The following LIN54 variants were observed in gnomAD, a reference collection of about 807,000 sequenced individuals.
The protein encoded by LIN54 is lin-54 DREAM MuvB core complex component.
In LIN54, 9 loss-of-function variants were observed where a neutral mutation model predicts 78.7. The observed-to-expected ratio is 0.11, with a 90% CI of 0.07 to 0.20. The LOEUF is 0.20. LIN54 is among the 10% of genes least tolerant of loss of function. The probability of loss-of-function intolerance (pLI) is 1.00; values close to 1 mark genes in which losing one functional copy is unlikely to be tolerated. For missense variants in LIN54, 573 were observed against 889.9 expected, an observed-to-expected ratio of 0.64 and a Z score of 4.53; for synonymous variants, 269 against 318.4, an observed-to-expected ratio of 0.84 and a Z score of 1.65.
At chr4:82,994,453 A>G (rs1209055907) in intron 1 of LIN54, among the ~76,000 whole-genome samples, 2 of 151,332 alleles carry the variant, frequency 1.3e-5, no homozygotes, top group Non-Finnish European at 2.9e-5. Flanking sequence ...GCTGGAGTGC[A>G]GTGGCGCAAT....
In LIN54 at chr4:82,982,213, A is replaced by G. The variant is rs574471955; in HGVS notation, c.684+1948T>C. On this transcript the variant is annotated intron_variant, in intron 2 of 12. Transcript: ENST00000340417. The stretch of plus-strand genomic sequence containing the variant: ...GAAAAAAATGACATTCTAATTTATG[A>G]TATCTTTTCCTTTTTTAGTTTATTT... Among the ~76,000 whole-genome samples, 9 of 152,138 alleles carry G rather than the reference A, an allele frequency of 5.9e-5. No individual in the cohort carries two copies. The East Asian group carries it at 1.7e-3, about 29-fold the overall frequency.
intron 4 of LIN54, 70 bp downstream of exon 4, chr4:82,970,257 G>A (rs1725531095): frequency 7.1e-7 from 1 of 1,416,448 alleles, no homozygotes; most frequent in African/African-American, 1.4e-5. Flanking sequence ...TGAAGTATCT[G>A]AAGTGACTAG....
At chr4:82,991,154 GA>G (rs56936823) in intron 1 of LIN54, among the ~76,000 whole-genome samples, 67,758 of 86,700 alleles carry the variant, frequency 0.78, 25,979 homozygotes, top group Middle Eastern at 0.91. Context: ...TGTCTCTTAA[GA>G]AAAAAAAAAA....
At chr4:82,968,995 A>C (rs1191964134) in intron 4 of LIN54, among the ~76,000 whole-genome samples, 1 of 152,188 alleles carries the variant, frequency 6.6e-6, no homozygotes, top group African/African-American at 2.4e-5. Context: ...AGGTGATCCC[A>C]ATAAGCAGAT....
intron 4 of LIN54, among the ~76,000 whole-genome samples, chr4:82,964,185 G>A (rs539427905): frequency 2.6e-5 from 4 of 152,078 alleles, no homozygotes; most frequent in Admixed American, 6.5e-5. Flanking sequence ...CAAGTAGCTG[G>A]GACTACAGGC....
chr4:82,996,290 A>G (rs1207457635), intron 1 of LIN54, among the ~76,000 whole-genome samples: 2 of 152,126 alleles, frequency 1.3e-5, no homozygotes, highest in Non-Finnish European at 2.9e-5. Flanking sequence ...GAGGCTCTTC[A>G]TAGGCTAAAA....
chr4:83,009,811 C>T (rs1729706947), intron 1 of LIN54, among the ~76,000 whole-genome samples: 1 of 152,168 alleles, frequency 6.6e-6, no homozygotes, highest in South Asian at 2.1e-4. Context: ...GCTCCTAGAG[C>T]TGTATTTCAT....
rs1449805773 is a variant in LIN54, at chr4:83,010,609, T to G, written c.-158A>C. 2.4e-6 allele frequency: 3 copies of G among 1,227,542 alleles called. No homozygotes were observed. The African/African-American group carries it at 4.7e-5, about 19-fold the overall frequency. 76.0% of individuals were successfully genotyped at this position (1,227,542 alleles called of 1,614,324 possible). A position where few individuals can be genotyped will look rare whatever the true frequency, so the allele number is the denominator to read the frequency against. On this transcript the variant is annotated 5_prime_UTR_variant, in exon 1 of 13. Transcript: ENST00000340417. ...ACGATAGCTCTGGCCAGCAGCTTCC[T>G]TTCCCAGTTTGTCCAAACTGGAGCG...
At chr4:83,003,870 G>C (rs1030102561) in intron 1 of LIN54, among the ~76,000 whole-genome samples, 1 of 152,094 alleles carries the variant, frequency 6.6e-6, no homozygotes, top group Non-Finnish European at 1.5e-5. Flanking sequence ...CATTTCAATA[G>C]TATTTTTATA....
chr4:82,931,170 T>C, intron 11 of LIN54, 25 bp from the exon 12 acceptor site: 1 of 1,603,770 alleles, frequency 6.2e-7, no homozygotes, highest in Non-Finnish European at 8.5e-7. Flanking sequence ...TAAGAAAAGT[T>C]TCCAAATCAA....
chr4:83,004,260 G>A (rs1172509122), intron 1 of LIN54, among the ~76,000 whole-genome samples: 1 of 151,906 alleles, frequency 6.6e-6, no homozygotes, highest in African/African-American at 2.4e-5. Flanking sequence ...TTAGCTGGGA[G>A]TGGTGGTGGG....
chr4:82,936,479 A>AT (rs1352450655), intron 9 of LIN54, 98 bp from the exon 10 acceptor site: 6 of 600,626 alleles, frequency 1.0e-5, no homozygotes, highest in African/African-American at 3.7e-5. Context: ...CACATACTAC[A>AT]TATGTGGTAA....
rs368624674 is a variant in LIN54, at chr4:82,970,425, T to C, written c.853A>G (p.Ile285Val). 3.1e-6 allele frequency: 5 copies of C among 1,613,332 alleles called. No individual in the cohort carries two copies. The South Asian group carries it at 3.3e-5, about 11-fold the overall frequency. The change falls in exon 4 of 13, where the codon ATA becomes GTA. Residue 285 changes from isoleucine (I) to valine (V), a missense_variant. Ile to Val is a conservative substitution (Grantham distance 29, BLOSUM62 3). This residue lies in a region of LIN54 where 199 missense variants were observed against 260.9 expected (regional missense o/e 0.76). Coordinates refer to ENST00000340417, the MANE Select transcript of LIN54 (RefSeq NM_194282.4). ...QSTPGTPSKT[I>V]TISESGVIGS... ...ATAACACCACTTTCAGATATTGTTA[T>C]GGTCTTTGATGGAGTTCCGGGAGTA...
In LIN54 at chr4:83,010,749, C is replaced by T; in HGVS notation, c.-298G>A. On this transcript the variant is annotated 5_prime_UTR_variant, in exon 1 of 13. Transcript: ENST00000340417. ...TTCGAAAGATCCGCCATTTTCACCT[C>T]GTCATCACCATCACAGCTCAGCAGC... 8.1e-7 allele frequency: 1 copy of T among 1,231,476 alleles called. No homozygotes were observed. The highest frequency in any genetic ancestry group is 4.1e-5 in the South Asian group (1 of 24,326). 76.3% of individuals were successfully genotyped at this position (1,231,476 alleles called of 1,614,324 possible).
chr4:82,990,997 G>T (rs1727642296), intron 1 of LIN54, among the ~76,000 whole-genome samples: 3 of 151,908 alleles, frequency 2.0e-5, no homozygotes, highest in South Asian at 4.2e-4. Flanking sequence ...GTACAGAAAT[G>T]CAAGGACCCA....
At position 82,925,518 on chromosome 4, in the gene LIN54, CAGTG is replaced by C. The variant is rs1721390886; in HGVS notation, c.*2580_*2583del. On this transcript the variant is annotated 3_prime_UTR_variant, in exon 13 of 13. Coordinates refer to ENST00000340417, the MANE Select transcript of LIN54 (RefSeq NM_194282.4). The stretch of plus-strand genomic sequence containing the variant: ...GCTGAGTTTCTGCTCTTAAAAGAAA[CAGTG>C]GGGAAAAAAAGAGAAGACATATTCT... 1 of 133,714 alleles carries C rather than the reference CAGTG, an allele frequency of 7.5e-6. No individual in the cohort carries two copies. The highest frequency in any genetic ancestry group is 3.4e-5 in the African/African-American group (1 of 29,334). 8.3% of individuals were successfully genotyped at this position (133,714 alleles called of 1,614,324 possible).
Position 83,010,795 on chromosome 4 carries a change from G to A in LIN54, c.-344C>T. ...GCAGCTTCCCCGACAGCCGGAGCCCGGGCCGCCGCCGCCGCCGCCACCACC... is the reference window on the plus strand; with the variant it reads ...GCAGCTTCCCCGACAGCCGGAGCCCAGGCCGCCGCCGCCGCCGCCACCACC... On this transcript the variant is annotated 5_prime_UTR_variant, in exon 1 of 13. Transcript: ENST00000340417. 2 of 1,231,678 alleles carry A rather than the reference G, an allele frequency of 1.6e-6. No homozygotes were observed. The highest frequency in any genetic ancestry group is 4.1e-5 in the South Asian group (1 of 24,354). The allele number at this position is 1,231,678 out of a possible 1,614,324, so 76.3% of individuals were successfully genotyped here.
intron 1 of LIN54, among the ~76,000 whole-genome samples, chr4:82,993,701 T>A (rs571607580): frequency 2.0e-5 from 3 of 152,090 alleles, no homozygotes; most frequent in African/African-American, 7.2e-5. Context: ...CACTTCAACC[T>A]CTGCTTCCCA....
In LIN54 at chr4:82,938,420, A is replaced by G; in HGVS notation, c.1525T>C (p.Phe509Leu). Residue 509 changes from phenylalanine (F) to leucine (L), a missense_variant, in exon 8 of 13, where the codon TTC (phenylalanine) becomes CTC (leucine). Coordinates refer to ENST00000340417, the MANE Select transcript of LIN54 (RefSeq NM_194282.4). ...SGIQTQARLP[F>L]NGIIPSESAS... ...TATTTTCAAAATACTCACCCATTGA[A>G]TGGAAGCCGTGCCTGGGTCTGGATA... 1.3e-6 allele frequency: 2 copies of G among 1,595,182 alleles called. No individual in the cohort carries two copies. The highest frequency in any genetic ancestry group is 1.7e-6 in the Non-Finnish European group (2 of 1,162,888).
Sources: allele counts gnomAD v4.1 joint callset (sites outside exome capture counted in the v4.1 genomes callset), GRCh38; gene constraint gnomAD v4.1.1; regional missense constraint gnomAD v4.1.1; transcripts MANE v1.5; gene names NCBI Gene and HGNC (gene_info 2026-07-23, HGNC 2026-07-21).